DMGDH: variants seen among roughly 807,000 people sequenced by gnomAD.
DMGDH encodes the protein dimethylglycine dehydrogenase.
Under a neutral mutation model 95.2 loss-of-function variants are expected in DMGDH, and 76 were observed. The observed-to-expected ratio is 0.80, with a 90% CI of 0.66 to 0.97. The LOEUF (loss-of-function observed/expected upper bound fraction) is 0.97. Among genes scored for constraint, DMGDH ranks in the 50% least tolerant of loss-of-function variants. The pLI, the probability that DMGDH is intolerant of heterozygous loss-of-function variation, is 0.00. For synonymous variants in DMGDH, 345 were observed against 377.6 expected (o/e 0.91, Z 1.00); for missense variants, 987 against 1,055.0 (o/e 0.94, Z 0.89).
At chr5:79,051,515 A>T (rs1754860968) in intron 4 of DMGDH, 24 bp from the exon 5 acceptor site, 1 of 1,577,208 alleles carries the variant, frequency 6.3e-7, no homozygotes, top group Non-Finnish European at 8.7e-7. Context: ...ACCAGAGTCA[A>T]TACTCAAATA....
chr5:79,063,920 A>G, intron 1 of DMGDH, 133 bp from the exon 2 acceptor site: 1 of 1,004,320 alleles, frequency 1.0e-6, no homozygotes, highest in South Asian at 1.4e-5. Flanking sequence ...TACTGATTTA[A>G]TAATTTGGAG....
chr5:79,051,548 A>G (rs537213373), intron 4 of DMGDH, 57 bp from the exon 5 acceptor site: 320 of 1,471,690 alleles, frequency 2.2e-4, no homozygotes, highest in Non-Finnish European at 2.9e-4. Flanking sequence ...TTACTCAGTA[A>G]AAATATATCC....
intron 14 of DMGDH, among the ~76,000 whole-genome samples, chr5:79,012,104 T>G (rs541331845): frequency 6.6e-6 from 1 of 152,304 alleles, no homozygotes; most frequent in East Asian, 1.9e-4. Flanking sequence ...CCCTTCTGCC[T>G]ATGAGCCTGT....
In DMGDH at chr5:79,054,224, T is replaced by G; in HGVS notation, c.500A>C (p.Glu167Ala). 6.2e-7 allele frequency: 1 copy of G among 1,614,168 alleles called. No homozygotes were observed. The highest frequency in any genetic ancestry group is 8.5e-7 in the Non-Finnish European group (1 of 1,179,998). Residue 167 changes from glutamate (E) to alanine (A), a missense_variant, in exon 4 of 16, where the codon GAA becomes GCA. Transcript: ENST00000255189. ...TAAAGGGAACATCTCTTGAATTTTT[T>G]CAGGTTCAATGAGATACTGTTCTGT... ...HATEQYLIEPEKIQEMFPLLN... is the reference protein window; with the variant it reads ...HATEQYLIEPAKIQEMFPLLN...
chr5:79,020,646 G>C (rs1753840228), intron 14 of DMGDH: 1 of 964,144 alleles, frequency 1.0e-6, no homozygotes, highest in Non-Finnish European at 1.2e-6. Context: ...GCATTTTCTA[G>C]AATCAACATT....
chr5:79,027,391 G>A (rs1303897295), intron 12 of DMGDH, among the ~76,000 whole-genome samples: 1 of 152,178 alleles, frequency 6.6e-6, no homozygotes, highest in African/African-American at 2.4e-5. Flanking sequence ...AGGTATAGCA[G>A]CAGCCCAGAG....
chr5:79,059,312 T>C (rs561038392), intron 2 of DMGDH, among the ~76,000 whole-genome samples: 1 of 152,336 alleles, frequency 6.6e-6, no homozygotes, highest in Non-Finnish European at 1.5e-5. Flanking sequence ...CTGCTTTCAA[T>C]GGTGGTATAG....
chr5:79,026,612 G>A lies in DMGDH; in HGVS notation c.2033-31C>T, dbSNP rs747606311. Reference sequence around the variant, plus strand: ...ATAAACCCACAGGTGCCACAGCAGGGCAAGAACAATGATCACTAGATCTAA... The same window carrying A: ...ATAAACCCACAGGTGCCACAGCAGGACAAGAACAATGATCACTAGATCTAA... On this transcript the variant is annotated intron_variant, in intron 12 of 15. Transcript: ENST00000255189. The A allele has an allele frequency of 9.3e-6, 15 of 1,613,644 alleles. No individual in the cohort carries two copies. The East Asian group carries it at 1.1e-4, about 12-fold the overall frequency.
intron 14 of DMGDH, chr5:79,021,508 G>A: frequency 3.1e-6 from 4 of 1,273,500 alleles, no homozygotes; most frequent in Non-Finnish European, 4.1e-6. Flanking sequence ...AGGAAGCAAG[G>A]GCCACTGCGC....
Position 79,026,536 on chromosome 5 carries a change from G to A in DMGDH, c.2078C>T (p.Ala693Val), listed in dbSNP as rs369589026. 18 of 1,614,010 alleles carry A rather than the reference G, an allele frequency of 1.1e-5. No homozygotes were observed. Among genetic ancestry groups the A allele is most frequent in the East Asian group, 4.5e-5 (2 of 44,880 alleles). Residue 693 changes from alanine to valine, a missense_variant, in exon 13 of 16, where the codon GCG becomes GTG. Physicochemically the swap from Ala to Val is moderately conservative, Grantham distance 64. Transcript: ENST00000255189. ...TGCATTCATGATAGCGTCATACAGC[G>A]CCACAGAATCTTCTCTTCTGTGATA... The part of the protein sequence containing the change: ...ELYHRREDSV[A>V]LYDAIMNAGQ...
intron 14 of DMGDH, among the ~76,000 whole-genome samples, chr5:79,012,151 T>C (rs1000876388): frequency 3.3e-5 from 5 of 151,998 alleles, no homozygotes; most frequent in East Asian, 3.9e-4. Flanking sequence ...TAAGATACAA[T>C]GGGGATACAA....
At chr5:79,028,765 T>G in intron 11 of DMGDH, 115 bp from the exon 12 acceptor site, 1 of 1,133,602 alleles carries the variant, frequency 8.8e-7, no homozygotes, top group Non-Finnish European at 1.3e-6. Context: ...GTCCCCAGAG[T>G]GTCATTTCAT....
rs760774513 is a variant in DMGDH, at chr5:79,029,939, T to C, written c.1779A>G (p.Leu593=). Residue 593 remains leucine, a synonymous_variant, in exon 11 of 16, where the codon TTA becomes TTG. Coordinates refer to ENST00000255189, the MANE Select transcript of DMGDH (RefSeq NM_013391.3). ...GAAGTTCTGATCCAGAGCCAGTAAT[T>C]AAAAGAAACTCCCCAGGAGATTGGT... is the stretch of plus-strand genomic sequence containing the variant. ...VSHQSPGEFL[L]ITGSGSELHD... 8 of 1,614,038 alleles carry C rather than the reference T, an allele frequency of 5.0e-6. No individual in the cohort carries two copies. In the Admixed American group the frequency reaches 1.3e-4, roughly 27 times the overall value.
chr5:79,030,052 A>G lies in DMGDH; in HGVS notation c.1684-18T>C. ...AAACCCACCTACATAAAAAAATTAA[A>G]AATTACCTTAGGATGAACTAAAAAT... On this transcript the variant is annotated intron_variant, in intron 10 of 15. Coordinates refer to ENST00000255189, the MANE Select transcript of DMGDH (RefSeq NM_013391.3). 2 of 1,607,850 alleles carry G rather than the reference A, an allele frequency of 1.2e-6. No homozygotes were observed. Among genetic ancestry groups the G allele is most frequent in the Non-Finnish European group, 1.7e-6 (2 of 1,176,628 alleles).
chr5:79,038,277 A>T (rs886067686), intron 7 of DMGDH, among the ~76,000 whole-genome samples: 2 of 152,150 alleles, frequency 1.3e-5, no homozygotes, highest in African/African-American at 4.8e-5. Context: ...TGAGGTCAGG[A>T]GTTTGAGACC....
chr5:79,043,041 G>A (rs557856505), intron 6 of DMGDH, among the ~76,000 whole-genome samples: 1 of 152,302 alleles, frequency 6.6e-6, no homozygotes, highest in African/African-American at 2.4e-5. Context: ...TCTGAAAACA[G>A]GCAGGGTCTT....
chr5:79,055,737 C>T (rs1755011840), intron 3 of DMGDH, 73 bp downstream of exon 3: 4 of 1,030,072 alleles, frequency 3.9e-6, no homozygotes, highest in Non-Finnish European at 6.1e-6. Flanking sequence ...AATGATGCAT[C>T]AAAATCCTTC....
At position 79,026,584 on chromosome 5, in the gene DMGDH, G is replaced by A. The variant is rs745837093; in HGVS notation, c.2033-3C>T. 6.2e-7 allele frequency: 1 copy of A among 1,613,992 alleles called. No individual in the cohort carries two copies. Among genetic ancestry groups the A allele is most frequent in the South Asian group, 1.1e-5 (1 of 91,070 alleles). ...ATACAGCTCCCAACCCAGCTCACCTGAAATAAACCCACAGGTGCCACAGCA... is the reference window on the plus strand; with the variant it reads ...ATACAGCTCCCAACCCAGCTCACCTAAAATAAACCCACAGGTGCCACAGCA... On this transcript the variant is annotated splice_polypyrimidine_tract_variant and splice_region_variant and intron_variant, in intron 12 of 15. Transcript: ENST00000255189.
intron 14 of DMGDH, chr5:79,021,172 T>C: frequency 2.0e-6 from 2 of 988,582 alleles, no homozygotes; most frequent in Non-Finnish European, 2.4e-6. Flanking sequence ...CTTCCTGAAG[T>C]GGCTCTACGG....
Sources: allele counts gnomAD v4.1 joint callset (sites outside exome capture counted in the v4.1 genomes callset), GRCh38; gene constraint gnomAD v4.1.1; transcripts MANE v1.5; gene names NCBI Gene and HGNC (gene_info 2026-07-23, HGNC 2026-07-21).